RBM17: variants seen among roughly 807,000 people sequenced by gnomAD.
The protein encoded by RBM17 is RNA binding motif protein 17.
A neutral mutation model predicts 53.2 loss-of-function variants in RBM17; 7 were observed. That is an observed-to-expected ratio of 0.13 (90% confidence interval 0.07 to 0.25). RBM17 has a LOEUF of 0.25. Ranked by LOEUF, RBM17 falls within the 10% of genes least tolerant of loss-of-function variation. The probability of loss-of-function intolerance (pLI) is 1.00; values close to 1 mark genes in which losing one functional copy is unlikely to be tolerated. For missense variants in RBM17, 257 were observed against 496.7 expected (o/e 0.52, Z 4.59); for synonymous variants, 167 against 178.1 (o/e 0.94, Z 0.50).
intron 10 of RBM17, 165 bp from the exon 11 acceptor site, chr10:6,115,074 G>A (rs1840894927): frequency 1.3e-5 from 8 of 631,030 alleles, no homozygotes; most frequent in South Asian, 8.7e-5. Context: ...CATTCAGTAC[G>A]TTTTTGATGA....
intron 1 of RBM17, among the ~76,000 whole-genome samples, chr10:6,095,019 C>A (rs909394571): frequency 1.1e-4 from 16 of 152,234 alleles, no homozygotes; most frequent in Non-Finnish European, 2.2e-4. Flanking sequence ...CAGGGGATTC[C>A]CTCCAAGACT....
At chr10:6,114,994 G>T (rs1229794085) in intron 10 of RBM17, 1 of 464,504 alleles carries the variant, frequency 2.2e-6, no homozygotes, top group Non-Finnish European at 3.8e-6. Flanking sequence ...CTGGCACAGG[G>T]CCTTTATGAG....
At chr10:6,106,293 C>T in intron 5 of RBM17, 55 bp downstream of exon 5, 1 of 1,156,018 alleles carries the variant, frequency 8.7e-7, no homozygotes, top group Non-Finnish European at 1.3e-6. Flanking sequence ...AGTGCAATTC[C>T]ACTATGTGCT....
Position 6,112,385 on chromosome 10 carries a change from A to T in RBM17, c.856+24A>T. The T allele has an allele frequency of 6.2e-7, 1 of 1,613,144 alleles. No individual in the cohort carries two copies. Among genetic ancestry groups the T allele is most frequent in the South Asian group, 1.1e-5 (1 of 90,942 alleles). On this transcript the variant is annotated intron_variant, in intron 8 of 11. Coordinates refer to ENST00000379888, the MANE Select transcript of RBM17 (RefSeq NM_032905.5). The surrounding 1 kb of genome is among the most constrained non-coding windows in gnomAD (Gnocchi z 4.4). ...AGGTGTGTCCCCAGGGAAGCGTGTG[A>T]CTAGAGGGAAAGGACTGGCCCCATC...
At chr10:6,109,322 C>A (rs922025487) in intron 6 of RBM17, among the ~76,000 whole-genome samples, 2 of 152,168 alleles carry the variant, frequency 1.3e-5, no homozygotes, top group African/African-American at 4.8e-5. Context: ...CTATCCCAAG[C>A]AGATATTCTC....
At chr10:6,096,511 G>A (rs1201925744) in intron 1 of RBM17, among the ~76,000 whole-genome samples, 10 of 152,140 alleles carry the variant, frequency 6.6e-5, no homozygotes, top group Non-Finnish European at 2.9e-5. Flanking sequence ...GTGATATGAG[G>A]AAATCAGAGT....
At chr10:6,101,949 T>C (rs1347486653) in intron 3 of RBM17, among the ~76,000 whole-genome samples, 2 of 152,202 alleles carry the variant, frequency 1.3e-5, no homozygotes, top group African/African-American at 4.8e-5. Context: ...ATTCCAGTGA[T>C]TTTACATATG....
At chr10:6,096,784 G>A (rs1840583372) in intron 1 of RBM17, 1 of 208,724 alleles carries the variant, frequency 4.8e-6, no homozygotes, top group African/African-American at 2.3e-5. Flanking sequence ...ATGTGCCCTA[G>A]CATTGAAGGA....
chr10:6,091,592 A>G (rs1840486566), intron 1 of RBM17, among the ~76,000 whole-genome samples: 1 of 152,232 alleles, frequency 6.6e-6, no homozygotes, highest in Non-Finnish European at 1.5e-5. Flanking sequence ...GCAGATCTGC[A>G]GATCTCACTG....
chr10:6,090,666 A>G (rs935170111), intron 1 of RBM17, among the ~76,000 whole-genome samples: 13 of 152,138 alleles, frequency 8.5e-5, no homozygotes, highest in Non-Finnish European at 1.9e-4. Context: ...GGAACAGATG[A>G]TCCCAGGCTA....
chr10:6,102,491 G>C (rs1397923268), intron 3 of RBM17, among the ~76,000 whole-genome samples: 3 of 152,086 alleles, frequency 2.0e-5, no homozygotes, highest in African/African-American at 7.2e-5. Context: ...TGGTGGAGGT[G>C]TTTTTTTGCT....
At chr10:6,098,177 G>A (rs1326148690) in intron 2 of RBM17, among the ~76,000 whole-genome samples, 6 of 152,140 alleles carry the variant, frequency 3.9e-5, no homozygotes, top group South Asian at 2.1e-4. Flanking sequence ...GTATGCATTC[G>A]TAATGGAGGC....
chr10:6,091,852 G>T (rs1305115282), intron 1 of RBM17, among the ~76,000 whole-genome samples: 1 of 140,378 alleles, frequency 7.1e-6, no homozygotes, highest in Non-Finnish European at 1.5e-5. Flanking sequence ...GAAACCAGTT[G>T]GGGGGGGTTA....
chr10:6,094,510 C>T (rs763487101), intron 1 of RBM17, among the ~76,000 whole-genome samples: 1 of 152,140 alleles, frequency 6.6e-6, no homozygotes, highest in African/African-American at 2.4e-5. Flanking sequence ...AAAGAAAGAA[C>T]AGAAGAACCT....
intron 1 of RBM17, among the ~76,000 whole-genome samples, chr10:6,095,457 G>A (rs905221616): frequency 2.0e-5 from 3 of 151,960 alleles, no homozygotes; most frequent in African/African-American, 4.8e-5. Context: ...CAAGTGATCC[G>A]CCCACCTATG....
At chr10:6,113,067 A>C (rs1460503660) in intron 8 of RBM17, 1 of 177,806 alleles carries the variant, frequency 5.6e-6, no homozygotes, top group African/African-American at 2.4e-5. Context: ...CGAGCCTGAC[A>C]GGTGAGTGCC....
chr10:6,092,665 A>C (rs10795799), intron 1 of RBM17, among the ~76,000 whole-genome samples: 22,678 of 152,200 alleles, frequency 0.15, 2,096 homozygotes, highest in East Asian at 0.29. Context: ...TGAGAGTGTG[A>C]TGTTACTATG....
chr10:6,109,591 TAGTG>T (rs1588350381), intron 6 of RBM17, among the ~76,000 whole-genome samples: 2 of 152,108 alleles, frequency 1.3e-5, no homozygotes, highest in South Asian at 4.1e-4. Context: ...GCTGATGAGA[TAGTG>T]AGGTCGGGGT....
chr10:6,106,595 G>A (rs1273256871), intron 5 of RBM17, among the ~76,000 whole-genome samples: 1 of 152,150 alleles, frequency 6.6e-6, no homozygotes, highest in African/African-American at 2.4e-5. Flanking sequence ...GAGTGTGTCT[G>A]TTTTGGGCAT....
Sources: gnomAD v4.1 joint callset for allele counts (sites outside exome capture counted in the v4.1 genomes callset) on GRCh38, gnomAD v4.1.1 for gene constraint, Gnocchi (gnomAD v3.1) non-coding constraint, MANE v1.5 for transcripts, NCBI Gene and HGNC (gene_info 2026-07-23, HGNC 2026-07-21) for gene names.